The following PTPRG variants were observed in gnomAD, a reference collection of about 807,000 sequenced individuals.
The protein encoded by PTPRG is protein tyrosine phosphatase receptor type G, also known as receptor-type tyrosine-protein phosphatase gamma.
PTPRG carries 102 observed loss-of-function variants against 165.3 expected under a neutral mutation model. That is an observed-to-expected ratio of 0.62 (90% CI 0.53 to 0.73). The LOEUF (loss-of-function observed/expected upper bound fraction) is 0.73, where lower values mean the gene tolerates loss of function less well. PTPRG is among the 30% of genes least tolerant of loss of function. The pLI is 0.00. For missense variants in PTPRG, 1,866 were observed against 1,861.4 expected, an observed-to-expected ratio of 1.00 and a Z score of -0.05; for synonymous variants, 675 against 669.5, an observed-to-expected ratio of 1.01 and a Z score of -0.13.
intron 1 of PTPRG, among the ~76,000 whole-genome samples, chr3:61,581,604 T>G (rs913552400): frequency 3.3e-4 from 33 of 98,930 alleles, no homozygotes; most frequent in Admixed American, 1.0e-3. Flanking sequence ...GTTGCTTCTT[T>G]TTTTCTTTTT....
intron 2 of PTPRG, among the ~76,000 whole-genome samples, chr3:61,821,190 G>T: frequency 1.3e-5 from 2 of 149,358 alleles, no homozygotes; most frequent in Non-Finnish European, 3.0e-5. Context: ...TTTTTTTTGA[G>T]ACCGAGTCTG....
chr3:62,174,248 G>C (rs1335269053), intron 8 of PTPRG, among the ~76,000 whole-genome samples: 1 of 152,186 alleles, frequency 6.6e-6, no homozygotes, highest in Non-Finnish European at 1.5e-5. Context: ...GAAACATATG[G>C]TTTATTAATT....
At chr3:61,869,008 A>C (rs2037487331) in intron 2 of PTPRG, among the ~76,000 whole-genome samples, 1 of 151,452 alleles carries the variant, frequency 6.6e-6, no homozygotes, top group South Asian at 2.1e-4. Context: ...TCTTCTCCAT[A>C]GTTTCCACGC....
chr3:61,801,546 T>C (rs747739050), intron 2 of PTPRG, among the ~76,000 whole-genome samples: 3 of 151,986 alleles, frequency 2.0e-5, no homozygotes, highest in Non-Finnish European at 4.4e-5. Context: ...CAATAACCTA[T>C]GTGGAGTGCA....
chr3:61,789,630 A>G (rs1218820355), intron 2 of PTPRG, among the ~76,000 whole-genome samples: 1 of 152,216 alleles, frequency 6.6e-6, no homozygotes, highest in Non-Finnish European at 1.5e-5. Flanking sequence ...TTATATGGAT[A>G]GTGTTCCTTT....
intron 4 of PTPRG, among the ~76,000 whole-genome samples, chr3:62,044,395 C>T (rs1372154074): frequency 5.3e-5 from 8 of 151,998 alleles, no homozygotes; most frequent in African/African-American, 1.7e-4. Context: ...AAAAATTAGC[C>T]GGGCATGGTG....
chr3:61,701,926 GGGAGGAA>G (rs1239960650), intron 1 of PTPRG, among the ~76,000 whole-genome samples: 1 of 152,006 alleles, frequency 6.6e-6, no homozygotes, highest in Non-Finnish European at 1.5e-5. Context: ...AGGAAGGAGA[GGGAGGAA>G]GGAGGAAGGA....
rs181697040 is a variant in PTPRG at position 62,282,126 on chromosome 3, C to A, written c.3912+417C>A. Among the ~76,000 whole-genome samples the A allele has an allele frequency of 1.8e-3, 268 of 151,994 alleles. 4 individuals are homozygous for A. Among genetic ancestry groups the A allele is most frequent in the African/African-American group, 5.9e-3 (244 of 41,498 alleles). On this transcript the variant is annotated intron_variant, in intron 27 of 29. Coordinates refer to ENST00000474889, the MANE Select transcript of PTPRG (RefSeq NM_002841.4). ...AGTAATTTAAAGGATGAGCCCCTTCCTTGTTTTCCTTTAATTTTATAAATA... is the reference window on the plus strand; with the variant it reads ...AGTAATTTAAAGGATGAGCCCCTTCATTGTTTTCCTTTAATTTTATAAATA...
At chr3:61,992,044 A>G (rs538439853) in intron 3 of PTPRG, among the ~76,000 whole-genome samples, 123 of 152,342 alleles carry the variant, frequency 8.1e-4, no homozygotes, top group African/African-American at 2.8e-3. Context: ...CGAAGCCATC[A>G]GTCTCAGAAA....
At chr3:62,166,041 T>C (rs1321236836) in intron 7 of PTPRG, among the ~76,000 whole-genome samples, 2 of 152,094 alleles carry the variant, frequency 1.3e-5, no homozygotes, top group Non-Finnish European at 2.9e-5. Context: ...AGAGAGCATC[T>C]TTCTAGCACC....
intron 4 of PTPRG, among the ~76,000 whole-genome samples, chr3:62,021,852 CT>C (rs2041698995): frequency 8.8e-6 from 1 of 114,256 alleles, no homozygotes; most frequent in Admixed American, 8.5e-5. Context: ...GGTCTTTTTC[CT>C]TTTCTTTTTT....
Position 62,124,548 on chromosome 3 carries a change from C to A in PTPRG, c.616-8054C>A, listed in dbSNP as rs1034026907. 2.8e-6 allele frequency: 4 copies of A among 1,442,868 alleles called. No individual in the cohort carries two copies. In the African/African-American group the frequency reaches 4.2e-5, roughly 15 times the overall value. 89.4% of individuals were successfully genotyped at this position (1,442,868 alleles called of 1,614,324 possible). On this transcript the variant is annotated intron_variant, in intron 5 of 29. Coordinates refer to ENST00000474889, the MANE Select transcript of PTPRG (RefSeq NM_002841.4). ...ACCGGGGTTTTGCTCTGGGAGATGCCCAGGCGGTGGTCCAACAGGCTGTTT... is the reference window on the plus strand; with the variant it reads ...ACCGGGGTTTTGCTCTGGGAGATGCACAGGCGGTGGTCCAACAGGCTGTTT...
chr3:61,977,669 CTT>C (rs780656587), intron 2 of PTPRG, among the ~76,000 whole-genome samples: 69 of 151,936 alleles, frequency 4.5e-4, no homozygotes, highest in Admixed American at 7.9e-4. Context: ...AAAAGTTTAA[CTT>C]TTAAATTGGT....
intron 4 of PTPRG, among the ~76,000 whole-genome samples, chr3:62,044,343 A>T (rs1700221021): frequency 6.6e-6 from 1 of 152,194 alleles, no homozygotes; most frequent in African/African-American, 2.4e-5. Context: ...GTTCAAGACA[A>T]GCCTGACCAA....
intron 17 of PTPRG, among the ~76,000 whole-genome samples, chr3:62,264,416 C>G (rs762772894): frequency 6.6e-6 from 1 of 152,046 alleles, no homozygotes; most frequent in Non-Finnish European, 1.5e-5. Flanking sequence ...GTTTTTGCAC[C>G]TCAGCAAGAA....
At chr3:61,909,401 G>T (rs774942324) in intron 2 of PTPRG, among the ~76,000 whole-genome samples, 3 of 152,076 alleles carry the variant, frequency 2.0e-5, no homozygotes, top group Admixed American at 6.6e-5. Flanking sequence ...CCAGGTTAGA[G>T]TGCAATGCTG....
intron 2 of PTPRG, among the ~76,000 whole-genome samples, chr3:61,817,826 TGTG>T: frequency 6.6e-6 from 1 of 152,280 alleles, no homozygotes; most frequent in South Asian, 2.1e-4. Context: ...TGGAGCAAGA[TGTG>T]GTGATTTTGG....
intron 1 of PTPRG, among the ~76,000 whole-genome samples, chr3:61,614,641 G>T (rs540727859): frequency 2.0e-5 from 3 of 151,962 alleles, no homozygotes; most frequent in African/African-American, 7.3e-5. Flanking sequence ...TGAACTCCTG[G>T]ATTCAAGCAA....
chr3:61,637,678 G>T lies in PTPRG; in HGVS notation c.85+75306G>T, dbSNP rs982791866. Among the ~76,000 whole-genome samples the T allele has an allele frequency of 3.3e-5, 5 of 152,152 alleles. No individual in the cohort carries two copies. In the East Asian group the frequency reaches 7.7e-4, roughly 23 times the overall value. On this transcript the variant is annotated intron_variant, in intron 1 of 29. Coordinates refer to ENST00000474889, the MANE Select transcript of PTPRG (RefSeq NM_002841.4). ...CTTCTTAGGAGTCCACCGGGGTTGC[G>T]TCGCATTGCTTCCACGCCTCTGTCC...
Sources: gnomAD v4.1 joint callset for allele counts (sites outside exome capture counted in the v4.1 genomes callset) on GRCh38, gnomAD v4.1.1 for gene constraint, MANE v1.5 for transcripts, NCBI Gene and HGNC (gene_info 2026-07-23, HGNC 2026-07-21) for gene names.